The following RALA variants were observed in gnomAD, a reference collection of about 807,000 sequenced individuals.
RALA encodes the protein RAS like proto-oncogene A.
In RALA, 5 loss-of-function variants were observed where a neutral mutation model predicts 24.0. That is an observed-to-expected ratio of 0.21 (90% CI 0.11 to 0.44). RALA has a LOEUF of 0.44. Among genes scored for constraint, RALA ranks in the 20% least tolerant of loss-of-function variants. The pLI, the probability that RALA is intolerant of heterozygous loss-of-function variation, is 0.99. For missense variants in RALA, 95 were observed against 241.2 expected (o/e 0.39, Z 4.01); for synonymous variants, 77 against 83.8 (o/e 0.92, Z 0.44).
chr7:39,672,272 A>G (rs1414212709), intron 1 of RALA, among the ~76,000 whole-genome samples: 2 of 152,208 alleles, frequency 1.3e-5, no homozygotes, highest in Non-Finnish European at 2.9e-5. Flanking sequence ...TGAACACCAG[A>G]GTCATATGGA....
chr7:39,634,508 G>C (rs1036608994), intron 1 of RALA, among the ~76,000 whole-genome samples: 1 of 152,096 alleles, frequency 6.6e-6, no homozygotes, highest in East Asian at 1.9e-4. Flanking sequence ...TTTAGTCTGA[G>C]GGAAATCTGT....
intron 2 of RALA, among the ~76,000 whole-genome samples, chr7:39,687,920 T>C (rs983922825): frequency 6.6e-6 from 1 of 152,142 alleles, no homozygotes; most frequent in African/African-American, 2.4e-5. Context: ...TCCCACCCCA[T>C]GTCTTTATCT....
chr7:39,680,573 CAAA>C (rs746181300), intron 1 of RALA, among the ~76,000 whole-genome samples: 1 of 122,602 alleles, frequency 8.2e-6, no homozygotes, highest in Non-Finnish European at 1.8e-5. Context: ...GAGACTGTCT[CAAA>C]AAAAAAAAAA....
intron 3 of RALA, 51 bp from the exon 4 acceptor site, chr7:39,696,634 C>A: frequency 7.0e-7 from 1 of 1,433,704 alleles, no homozygotes; most frequent in Non-Finnish European, 9.4e-7. Context: ...CAAGAACTTT[C>A]TGTGCTATCC....
chr7:39,628,070 T>G (rs890687977), intron 1 of RALA, among the ~76,000 whole-genome samples: 11 of 151,968 alleles, frequency 7.2e-5, no homozygotes, highest in African/African-American at 2.7e-4. Flanking sequence ...TGCTAGTGTT[T>G]GTTTACTCAG....
chr7:39,637,172 G>A (rs994807447), intron 1 of RALA, among the ~76,000 whole-genome samples: 4 of 152,198 alleles, frequency 2.6e-5, no homozygotes, highest in Non-Finnish European at 4.4e-5. Flanking sequence ...TTTTAGTGCA[G>A]TGTTGACTAC....
chr7:39,694,632 C>T (rs1792885145), intron 3 of RALA, among the ~76,000 whole-genome samples: 1 of 152,096 alleles, frequency 6.6e-6, no homozygotes, highest in African/African-American at 2.4e-5. Context: ...GCGCTGAGTA[C>T]AATGTTAGTG....
chr7:39,669,311 T>A (rs1739750966), intron 1 of RALA, among the ~76,000 whole-genome samples: 1 of 151,998 alleles, frequency 6.6e-6, no homozygotes, highest in African/African-American at 2.4e-5. Context: ...TCCCAATGCC[T>A]AGCATAGTAC....
At chr7:39,696,984 C>CTTCTAA in intron 4 of RALA, 125 bp downstream of exon 4, 1 of 930,344 alleles carries the variant, frequency 1.1e-6, no homozygotes. Flanking sequence ...TGATTTTTAT[C>CTTCTAA]ATCCCTGAAT....
chr7:39,665,232 C>T (rs1273807035), intron 1 of RALA, among the ~76,000 whole-genome samples: 1 of 152,052 alleles, frequency 6.6e-6, no homozygotes, highest in East Asian at 1.9e-4. Context: ...TCAGCCTACT[C>T]AACATGAAAA....
rs1209729467 is a variant in RALA at position 39,699,118 on chromosome 7, G to GTTTT, written c.498+2261_498+2262insTTTT. Among the ~76,000 whole-genome samples the GTTTT allele has an allele frequency of 2.1e-3, 179 of 84,000 alleles. 1 individual carries two copies. The highest frequency in any genetic ancestry group is 3.3e-3 in the African/African-American group (70 of 21,312). The allele number at this position is 84,000 out of a possible 152,430, so 55.1% of individuals were successfully genotyped here. A position where few individuals can be genotyped will look rare whatever the true frequency, so the allele number is the denominator to read the frequency against. ...ACCCAGCAATTTAAGTGCTAAAAAT[G>GTTTT]TTATTTTTTTTTTTTTTTTTTTTTT... is the stretch of plus-strand genomic sequence containing the variant. On this transcript the variant is annotated intron_variant, in intron 4 of 4. Coordinates refer to ENST00000005257, the MANE Select transcript of RALA (RefSeq NM_005402.4).
intron 1 of RALA, among the ~76,000 whole-genome samples, chr7:39,654,571 A>T (rs1792067812): frequency 6.6e-6 from 1 of 152,174 alleles, no homozygotes; most frequent in African/African-American, 2.4e-5. Context: ...TATCAATTTC[A>T]TAGATTTTGC....
chr7:39,698,999 G>A (rs1267056213), intron 4 of RALA, among the ~76,000 whole-genome samples: 1 of 151,890 alleles, frequency 6.6e-6, no homozygotes, highest in Non-Finnish European at 1.5e-5. Flanking sequence ...CAAAGAGGTT[G>A]AGAATAGAAT....
intron 1 of RALA, chr7:39,624,109 C>T (rs1728482312): frequency 6.6e-6 from 1 of 152,258 alleles, no homozygotes; most frequent in African/African-American, 2.4e-5. Context: ...GAAGGTCACC[C>T]CGCACCTTTC....
intron 1 of RALA, among the ~76,000 whole-genome samples, chr7:39,641,465 C>T (rs1200861174): frequency 6.6e-6 from 1 of 152,138 alleles, no homozygotes; most frequent in Non-Finnish European, 1.5e-5. Flanking sequence ...CTGACCTCCC[C>T]ACTTCTCATG....
intron 1 of RALA, among the ~76,000 whole-genome samples, chr7:39,653,110 A>G (rs1046929981): frequency 1.5e-4 from 23 of 151,046 alleles, no homozygotes; most frequent in East Asian, 5.9e-4. Flanking sequence ...GCTCACTGCA[A>G]CCTCCACCTC....
At chr7:39,652,349 C>T (rs116948936) in intron 1 of RALA, among the ~76,000 whole-genome samples, 1,760 of 152,260 alleles carry the variant, frequency 0.012, 46 homozygotes, top group South Asian at 0.013. Context: ...CCATTCCCCA[C>T]CCCATATCAA....
In RALA at chr7:39,626,794, T is replaced by A. The variant is rs571442691; in HGVS notation, c.-38+2969T>A. Among the ~76,000 whole-genome samples the A allele has an allele frequency of 3.9e-5, 6 of 152,350 alleles. No homozygotes were observed. In the East Asian group the frequency reaches 7.7e-4, roughly 20 times the overall value. The stretch of plus-strand genomic sequence containing the variant: ...CCTTTCCTTGAAATCACATTTTTTT[T>A]AGTTCGTTCTTTCACTAATGGAAAT... On this transcript the variant is annotated intron_variant, in intron 1 of 4. Coordinates refer to ENST00000005257, the MANE Select transcript of RALA (RefSeq NM_005402.4).
At chr7:39,679,913 G>A (rs1286984077) in intron 1 of RALA, among the ~76,000 whole-genome samples, 1 of 152,032 alleles carries the variant, frequency 6.6e-6, no homozygotes, top group African/African-American at 2.4e-5. Flanking sequence ...GCTTCACTAT[G>A]TTGGCCAGAC....
Sources: gnomAD v4.1 joint callset for allele counts (sites outside exome capture counted in the v4.1 genomes callset) on GRCh38, gnomAD v4.1.1 for gene constraint, MANE v1.5 for transcripts, NCBI Gene and HGNC (gene_info 2026-07-23, HGNC 2026-07-21) for gene names.